The following EFCAB8 variants were observed in gnomAD, a reference collection of about 807,000 sequenced individuals.
The protein encoded by EFCAB8 is EF-hand calcium-binding domain-containing protein 8.
EFCAB8 carries 100 observed loss-of-function variants against 116.3 expected under a neutral mutation model. The ratio of observed to expected loss-of-function variants is 0.86; its 90% confidence interval spans 0.73 to 1.02. The LOEUF is 1.02. EFCAB8 is among the 50% of genes least tolerant of loss of function. The pLI is 0.00. For synonymous variants in EFCAB8, 558 were observed against 567.9 expected (o/e 0.98, Z 0.25); for missense variants, 1,320 against 1,416.9 (o/e 0.93, Z 1.10).
chr20:32,943,118 C>T lies in EFCAB8; in HGVS notation c.2791-518C>T, dbSNP rs571663595. ...TCTCTCAGTGTAATGTGATTTATCA[C>T]CCCATTGCTCACCCTATTCATCTCC... On this transcript the variant is annotated intron_variant, in intron 22 of 26. Transcript: ENST00000400522. 6.6e-5 allele frequency among the ~76,000 whole-genome samples: 10 copies of T among 152,294 alleles called. No individual in the cohort carries two copies. In the East Asian group the frequency reaches 1.9e-3, roughly 29 times the overall value.
intron 2 of EFCAB8, among the ~76,000 whole-genome samples, chr20:32,865,246 A>G (rs1388579035): frequency 1.3e-5 from 2 of 152,152 alleles, no homozygotes; most frequent in African/African-American, 4.8e-5. Flanking sequence ...GGGAGGTTCC[A>G]TTTGAGCGAG....
At chr20:32,894,967 T>C (rs1312684444) in intron 9 of EFCAB8, among the ~76,000 whole-genome samples, 1 of 152,266 alleles carries the variant, frequency 6.6e-6, no homozygotes, top group Non-Finnish European at 1.5e-5. Flanking sequence ...AGCTTCCTCC[T>C]GCCCTTGCAA....
Position 32,875,350 on chromosome 20 carries a change from G to C in EFCAB8, c.209-576G>C, listed in dbSNP as rs142097092. Reference sequence around the variant, plus strand: ...CAGGGCCAAGAGGGGCTGGATTTGAGGTTTGAGGGGCTGGAGGAGGCAGCC... The same window carrying C: ...CAGGGCCAAGAGGGGCTGGATTTGACGTTTGAGGGGCTGGAGGAGGCAGCC... On this transcript the variant is annotated intron_variant, in intron 3 of 26. Transcript: ENST00000400522. Among the ~76,000 whole-genome samples, 106 of 152,160 alleles carry C rather than the reference G, an allele frequency of 7.0e-4. 1 individual carries two copies. In the East Asian group the frequency reaches 0.018, roughly 25 times the overall value.
In EFCAB8 at chr20:32,908,283, C is replaced by T. The variant is rs370329065; in HGVS notation, c.1317C>T (p.Arg439=). Residue 439 remains arginine, a synonymous_variant, in exon 14 of 27, where the codon CGC becomes CGT. Transcript: ENST00000400522. Reference sequence around the variant, plus strand: ...TTTTTCCCATCCCCCAGAATATTCGCGTGTGGGACATGCTGGACTACATAT... The same window carrying T: ...TTTTTCCCATCCCCCAGAATATTCGTGTGTGGGACATGCTGGACTACATAT... ...LISVSKDKNI[R]VWDMLDYICL... is the part of the protein sequence containing the mutation. 9.1e-5 allele frequency: 114 copies of T among 1,249,804 alleles called. 1 individual carries two copies. The highest frequency in any genetic ancestry group is 3.8e-4 in the East Asian group (12 of 31,722). The allele number at this position is 1,249,804 out of a possible 1,614,324, so 77.4% of individuals were successfully genotyped here. A position where few individuals can be genotyped will look rare whatever the true frequency, so the allele number is the denominator to read the frequency against.
At chr20:32,951,484 A>G (rs750124213) in intron 23 of EFCAB8, among the ~76,000 whole-genome samples, 1 of 152,204 alleles carries the variant, frequency 6.6e-6, no homozygotes, top group Non-Finnish European at 1.5e-5. Flanking sequence ...ATCTATTTAT[A>G]TAAAATTTTA....
At chr20:32,913,617 T>C (rs1377284490) in intron 17 of EFCAB8, among the ~76,000 whole-genome samples, 1 of 152,156 alleles carries the variant, frequency 6.6e-6, no homozygotes, top group Non-Finnish European at 1.5e-5. Flanking sequence ...GTCCAAAATA[T>C]CATCTAAATA....
chr20:32,947,903 TAAAAAA>T (rs377234035), intron 23 of EFCAB8, among the ~76,000 whole-genome samples: 1 of 100,836 alleles, frequency 9.9e-6, no homozygotes, highest in African/African-American at 3.5e-5. Context: ...CCATCTCAAT[TAAAAAA>T]AAAAAAAAAG....
In EFCAB8 at chr20:32,859,691, CAT is replaced by C. The variant is rs567169827; in HGVS notation, c.-11+686_-11+687del. The stretch of plus-strand genomic sequence containing the variant: ...ATTTTGCCACATTTGTGTTATTATA[CAT>C]GTTACTTGTTAAACCATTTGAGAAT... On this transcript the variant is annotated intron_variant, in intron 1 of 26. Coordinates refer to ENST00000400522, the MANE Select transcript of EFCAB8 (RefSeq NM_001143967.2). 1.7e-3 allele frequency among the ~76,000 whole-genome samples: 262 copies of C among 152,304 alleles called. 1 individual carries two copies. The highest frequency in any genetic ancestry group is 5.8e-3 in the African/African-American group (241 of 41,568).
chr20:32,904,060 C>A (rs2084287776), intron 11 of EFCAB8, among the ~76,000 whole-genome samples: 1 of 152,004 alleles, frequency 6.6e-6, no homozygotes, highest in South Asian at 2.1e-4. Flanking sequence ...GTTGCCCAGG[C>A]TGGAGCTCAC....
At chr20:32,917,572 A>G in intron 18 of EFCAB8, 67 bp downstream of exon 18, 1 of 459,524 alleles carries the variant, frequency 2.2e-6, no homozygotes, top group Non-Finnish European at 4.4e-6. Flanking sequence ...CCTGTGGGGC[A>G]GGGAGGGTGG....
At chr20:32,921,190 ATT>A (rs1987432616) in intron 20 of EFCAB8, among the ~76,000 whole-genome samples, 1 of 75,272 alleles carries the variant, frequency 1.3e-5, no homozygotes. Flanking sequence ...GGTTCTGATT[ATT>A]TCTCTCTCCT....
intron 23 of EFCAB8, among the ~76,000 whole-genome samples, chr20:32,945,830 A>G (rs184705411): frequency 6.6e-6 from 1 of 152,302 alleles, no homozygotes; most frequent in Non-Finnish European, 1.5e-5. Context: ...TACGCATGTA[A>G]ATTCGCAATT....
At chr20:32,920,397 G>A (rs1012612386) in intron 20 of EFCAB8, among the ~76,000 whole-genome samples, 182 bp downstream of exon 20, 2 of 152,132 alleles carry the variant, frequency 1.3e-5, no homozygotes, top group Non-Finnish European at 2.9e-5. Context: ...GCGGTGTCTG[G>A]GGAGAGCTCC....
At chr20:32,932,378 A>C (rs1409513482) in intron 22 of EFCAB8, among the ~76,000 whole-genome samples, 1 of 151,344 alleles carries the variant, frequency 6.6e-6, no homozygotes, top group East Asian at 1.9e-4. Flanking sequence ...CTCTGTCTCA[A>C]AAAAAAAAAT....
At chr20:32,901,612 G>A (rs1986431112) in intron 11 of EFCAB8, among the ~76,000 whole-genome samples, 1 of 152,246 alleles carries the variant, frequency 6.6e-6, no homozygotes, top group Admixed American at 6.5e-5. Flanking sequence ...TGGCCTTCAG[G>A]CTCAGGCGTG....
intron 22 of EFCAB8, among the ~76,000 whole-genome samples, chr20:32,937,237 C>T (rs1012446921): frequency 6.6e-6 from 1 of 152,086 alleles, no homozygotes; most frequent in African/African-American, 2.4e-5. Context: ...GCCTCGGCCT[C>T]CCAAAGTGCT....
intron 23 of EFCAB8, among the ~76,000 whole-genome samples, chr20:32,944,649 G>C (rs959796014): frequency 2.0e-5 from 3 of 152,048 alleles, no homozygotes; most frequent in African/African-American, 7.2e-5. Context: ...TTAAAGGCAG[G>C]TCTAATGGTG....
intron 14 of EFCAB8, 36 bp downstream of exon 14, chr20:32,908,448 C>T (rs1454250505): frequency 4.0e-6 from 5 of 1,249,554 alleles, no homozygotes; most frequent in African/African-American, 1.6e-5. Context: ...GGGTCAAGGC[C>T]GCAGGTGGAG....
intron 4 of EFCAB8, among the ~76,000 whole-genome samples, chr20:32,876,796 G>A (rs751238998): frequency 8.5e-5 from 13 of 152,062 alleles, no homozygotes; most frequent in Non-Finnish European, 1.8e-4. Context: ...GTAAAACCCT[G>A]TCTCTACAAA....
Sources: gnomAD v4.1 joint callset for allele counts (sites outside exome capture counted in the v4.1 genomes callset) on GRCh38, gnomAD v4.1.1 for gene constraint, MANE v1.5 for transcripts, NCBI Gene and HGNC (gene_info 2026-07-23, HGNC 2026-07-21) for gene names.